The following SERPINA4 variants were observed in gnomAD, a reference collection of about 807,000 sequenced individuals.
SERPINA4 encodes the protein kallistatin.
In SERPINA4, 24 loss-of-function variants were observed where a neutral mutation model predicts 25.4. The ratio of observed to expected loss-of-function variants is 0.95; its 90% CI spans 0.69 to 1.33. The LOEUF is 1.33. Ranked by LOEUF, SERPINA4 falls within the 40% of genes most tolerant of loss-of-function variation. The pLI is 0.00. For synonymous variants in SERPINA4, 242 were observed against 223.6 expected (o/e 1.08, Z -0.73); for missense variants, 553 against 535.8 (o/e 1.03, Z -0.32).
At chr14:94,564,525 T>C (rs1480663884) in intron 2 of SERPINA4, among the ~76,000 whole-genome samples, 3 of 152,322 alleles carry the variant, frequency 2.0e-5, no homozygotes, top group South Asian at 2.1e-4. Context: ...GATTAACCCA[T>C]GTATATACTC....
chr14:94,569,771 G>A lies in SERPINA4; in HGVS notation c.*176G>A. 1.5e-6 allele frequency: 1 copy of A among 646,680 alleles called. No individual in the cohort carries two copies. Among genetic ancestry groups the A allele is most frequent in the Non-Finnish European group, 2.7e-6 (1 of 374,834 alleles). 40.1% of individuals were successfully genotyped at this position (646,680 alleles called of 1,614,324 possible). A position where few individuals can be genotyped will look rare whatever the true frequency, so the allele number is the denominator to read the frequency against. On this transcript the variant is annotated 3_prime_UTR_variant, in exon 5 of 5. Transcript: ENST00000557004. ...GGGGCACTGAGATGGGCAGGGCCTGGACATTCCACACCCTGGTGCTGTGCA... is the reference window on the plus strand; with the variant it reads ...GGGGCACTGAGATGGGCAGGGCCTGAACATTCCACACCCTGGTGCTGTGCA...
At chr14:94,567,545 C>T (rs1000765407) in intron 3 of SERPINA4, among the ~76,000 whole-genome samples, 8 of 152,166 alleles carry the variant, frequency 5.3e-5, no homozygotes, top group Non-Finnish European at 7.3e-5. Context: ...GGGGTTACCT[C>T]TGTGCAATGA....
intron 2 of SERPINA4, among the ~76,000 whole-genome samples, chr14:94,566,102 C>A (rs774047009): frequency 6.6e-6 from 1 of 152,128 alleles, no homozygotes; most frequent in Non-Finnish European, 1.5e-5. Flanking sequence ...GATTCCATGG[C>A]CATCATTGTG....
chr14:94,568,037 G>A (rs897095029), intron 3 of SERPINA4, 92 bp from the exon 4 acceptor site: 1 of 1,307,398 alleles, frequency 7.6e-7, no homozygotes, highest in African/African-American at 1.5e-5. Flanking sequence ...ATGGAATAGA[G>A]CCAGCTAGAG....
rs1902109876 is a variant in SERPINA4 at position 94,563,786 on chromosome 14, C to A, written c.304C>A (p.Leu102Ile). ...CTGCTCACACAGCCGCAGCCAGATC[C>A]TTGAGGGCCTGGGCTTCAACCTCAC... ...GACSHSRSQI[L>I]EGLGFNLTEL... The change falls in exon 2 of 5, where the codon CTT (leucine) becomes ATT (isoleucine). Residue 102 changes from leucine (L) to isoleucine (I), a missense_variant. By Grantham distance (5) the Leu-to-Ile change is conservative. Transcript: ENST00000557004. 3 of 1,614,190 alleles carry A rather than the reference C, an allele frequency of 1.9e-6. No individual in the cohort carries two copies. The highest frequency in any genetic ancestry group is 2.5e-6 in the Non-Finnish European group (3 of 1,180,046).
In SERPINA4 at chr14:94,569,586, G is replaced by A. The variant is rs139990252; in HGVS notation, c.1275G>A (p.Thr425=). 8 of 1,614,128 alleles carry A rather than the reference G, an allele frequency of 5.0e-6. No homozygotes were observed. Among genetic ancestry groups the A allele is most frequent in the Admixed American group, 3.3e-5 (2 of 60,016 alleles). Residue 425 remains threonine, a synonymous_variant, in exon 5 of 5, where the codon ACG becomes ACA. Transcript: ENST00000557004. ...TTCTGGGCAAGGTCGTCGACCCCAC[G>A]AAACCATAGCCCTCCCAGGGCTGCT... ...VLFLGKVVDP[T]KP
At chr14:94,565,691 C>CAA (rs10566829) in intron 2 of SERPINA4, among the ~76,000 whole-genome samples, 4,963 of 141,258 alleles carry the variant, frequency 0.035, 268 homozygotes, top group African/African-American at 0.12. Context: ...ACTAAAAATA[C>CAA]AAAAAAAAAA....
chr14:94,567,767 A>G (rs2139906766), intron 3 of SERPINA4, among the ~76,000 whole-genome samples: 1 of 152,372 alleles, frequency 6.6e-6, no homozygotes, highest in South Asian at 2.1e-4. Context: ...GAGAGAATCC[A>G]ATCCAAAGAA....
chr14:94,566,803 G>A (rs1902226273), intron 2 of SERPINA4, among the ~76,000 whole-genome samples, 167 bp from the exon 3 acceptor site: 1 of 152,208 alleles, frequency 6.6e-6, no homozygotes, highest in African/African-American at 2.4e-5. Context: ...CCATTCCCCA[G>A]GCATGTCAGG....
In SERPINA4 at chr14:94,563,925, A is replaced by T. The variant is rs564953147; in HGVS notation, c.443A>T (p.Asn148Ile). Residue 148 changes from asparagine to isoleucine, a missense_variant, in exon 2 of 5, where the codon AAC becomes ATC. By Grantham distance (149) the Asn-to-Ile change is moderately radical (BLOSUM62 -3). Coordinates refer to ENST00000557004, the MANE Select transcript of SERPINA4 (RefSeq NM_006215.4). ...GGCAGTGCTCTGTTCCTGAGCCACA[A>T]CCTGAAGTTCCTTGCAAAATTCCTG... ...RVGSALFLSH[N>I]LKFLAKFLND... 9 of 1,614,048 alleles carry T rather than the reference A, an allele frequency of 5.6e-6. 1 individual carries two copies. Among genetic ancestry groups the T allele is most frequent in the Middle Eastern group, 3.3e-4 (2 of 6,084 alleles).
At position 94,568,282 on chromosome 14, in the gene SERPINA4, A is replaced by G. The variant is rs140963433; in HGVS notation, c.1077A>G (p.Ala359=). The G allele has an allele frequency of 6.8e-6, 11 of 1,614,210 alleles. No individual in the cohort carries two copies. Among genetic ancestry groups the G allele is most frequent in the Middle Eastern group, 1.7e-4 (1 of 6,060 alleles). ...SGITKQQKLE[A]SKSFHKATLD... Reference sequence around the variant, plus strand: ...TCACCAAACAGCAAAAACTGGAGGCATCCAAAGTAAGTCGTCAACAGTCAG... The same window carrying G: ...TCACCAAACAGCAAAAACTGGAGGCGTCCAAAGTAAGTCGTCAACAGTCAG... The change falls in exon 4 of 5, where the codon GCA becomes GCG. Residue 359 remains alanine (A), a synonymous_variant. Transcript: ENST00000557004.
At chr14:94,562,339 C>A (rs145509408) in intron 1 of SERPINA4, among the ~76,000 whole-genome samples, 2 of 152,074 alleles carry the variant, frequency 1.3e-5, no homozygotes, top group Admixed American at 1.3e-4. Flanking sequence ...AAAGAGGGGG[C>A]GAGAGGCTGA....
intron 3 of SERPINA4, 44 bp downstream of exon 3, chr14:94,567,287 C>T (rs777882840): frequency 6.5e-7 from 1 of 1,548,156 alleles, no homozygotes; most frequent in Non-Finnish European, 8.7e-7. Flanking sequence ...TACTATCCAT[C>T]AAATGTAACT....
At position 94,568,222 on chromosome 14, in the gene SERPINA4, G is replaced by A. The variant is rs764243430; in HGVS notation, c.1017G>A (p.Thr339=). ...LDQILPRLGF[T]DLFSKWADLS... Reference sequence around the variant, plus strand: ...AGATTTTGCCCAGGCTGGGCTTCACGGATCTGTTCTCCAAGTGGGCTGACT... The same window carrying A: ...AGATTTTGCCCAGGCTGGGCTTCACAGATCTGTTCTCCAAGTGGGCTGACT... The change falls in exon 4 of 5, where the codon ACG becomes ACA. Residue 339 remains threonine, a synonymous_variant. Coordinates refer to ENST00000557004, the MANE Select transcript of SERPINA4 (RefSeq NM_006215.4). The A allele has an allele frequency of 8.7e-6, 14 of 1,614,180 alleles. No homozygotes were observed. Among genetic ancestry groups the A allele is most frequent in the Middle Eastern group, 1.6e-4 (1 of 6,062 alleles).
chr14:94,569,848 G>A lies in SERPINA4; in HGVS notation c.*253G>A, dbSNP rs1188892048. On this transcript the variant is annotated 3_prime_UTR_variant, in exon 5 of 5. Transcript: ENST00000557004. ...GGAGCAAGTTTCTGCCTCTGGAAAG[G>A]GGGCGGGCCCTTTTCACAACAGGCT... 3 of 549,980 alleles carry A rather than the reference G, an allele frequency of 5.5e-6. No individual in the cohort carries two copies. Among genetic ancestry groups the A allele is most frequent in the South Asian group, 4.3e-5 (2 of 46,616 alleles). The allele number at this position is 549,980 out of a possible 1,614,324, so 34.1% of individuals were successfully genotyped here.
intron 4 of SERPINA4, 37 bp downstream of exon 4, chr14:94,568,325 G>C (rs375079003): frequency 1.9e-6 from 3 of 1,610,888 alleles, no homozygotes; most frequent in Non-Finnish European, 2.5e-6. Context: ...TAGAGAACTC[G>C]GTAGGGCAGT....
intron 2 of SERPINA4, among the ~76,000 whole-genome samples, chr14:94,565,160 G>A (rs1056994091): frequency 5.3e-5 from 8 of 152,200 alleles, no homozygotes; most frequent in Admixed American, 2.0e-4. Flanking sequence ...CAATGTAAGC[G>A]GACAAGTCAG....
intron 1 of SERPINA4, among the ~76,000 whole-genome samples, chr14:94,562,303 C>G (rs1486738893): frequency 6.6e-6 from 1 of 152,174 alleles, no homozygotes; most frequent in East Asian, 1.9e-4. Flanking sequence ...AAAAAGTTTT[C>G]TGAGCCCTGG....
intron 3 of SERPINA4, 69 bp downstream of exon 3, chr14:94,567,312 A>C: frequency 6.6e-7 from 1 of 1,512,188 alleles, no homozygotes; most frequent in Non-Finnish European, 8.9e-7. Context: ...AATGAAAGAC[A>C]GTGCCCCAAA....
Sources: gnomAD v4.1 joint callset for allele counts (sites outside exome capture counted in the v4.1 genomes callset) on GRCh38, gnomAD v4.1.1 for gene constraint, MANE v1.5 for transcripts, NCBI Gene and HGNC (gene_info 2026-07-23, HGNC 2026-07-21) for gene names.